The following CLASRP variants were observed in gnomAD, a reference collection of about 807,000 sequenced individuals.
CLASRP encodes CLK4 associating serine/arginine rich protein.
Under a neutral mutation model 99.9 loss-of-function variants are expected in CLASRP, and 52 were observed. The ratio of observed to expected loss-of-function variants is 0.52; its 90% CI spans 0.42 to 0.66. CLASRP has a LOEUF of 0.66. Among genes scored for constraint, CLASRP ranks in the 30% least tolerant of loss-of-function variants. The pLI is 0.00. For synonymous variants in CLASRP, 379 were observed against 373.0 expected (o/e 1.02, Z -0.18); for missense variants, 848 against 999.2 (o/e 0.85, Z 2.04).
intron 2 of CLASRP, among the ~76,000 whole-genome samples, chr19:45,042,537 A>G (rs936128064): frequency 6.0e-5 from 9 of 151,176 alleles, no homozygotes; most frequent in South Asian, 2.1e-4. Context: ...ATGTGTGTGT[A>G]TGTATGTATA....
intron 18 of CLASRP, chr19:45,069,746 C>A: frequency 2.0e-6 from 1 of 490,492 alleles, no homozygotes. Context: ...TTTCAACACT[C>A]ACTGTGTGCA....
chr19:45,048,880 G>C (rs1362141175), intron 2 of CLASRP, among the ~76,000 whole-genome samples: 1 of 151,910 alleles, frequency 6.6e-6, no homozygotes, highest in Non-Finnish European at 1.5e-5. Context: ...CAGCTACTCG[G>C]GAAGCTGAGG....
chr19:45,040,332 C>T (rs1971787997), intron 2 of CLASRP, 21 bp downstream of exon 2: 1 of 1,565,706 alleles, frequency 6.4e-7, no homozygotes, highest in African/African-American at 1.3e-5. Context: ...GGCCTTTTGT[C>T]TGGGGTGAGG....
chr19:45,070,200 C>G, intron 19 of CLASRP, 96 bp downstream of exon 19: 1 of 814,442 alleles, frequency 1.2e-6, no homozygotes, highest in East Asian at 2.5e-5. Context: ...GGCGCGGTGG[C>G]TCACGCCTGT....
rs1379333584 is a variant in CLASRP at position 45,067,670 on chromosome 19, A to G, written c.1667+76A>G. The G allele has an allele frequency of 2.9e-6, 4 of 1,359,664 alleles. No individual in the cohort carries two copies. In the African/African-American group the frequency reaches 5.8e-5, roughly 20 times the overall value. 84.2% of individuals were successfully genotyped at this position (1,359,664 alleles called of 1,614,324 possible). On this transcript the variant is annotated intron_variant, in intron 14 of 20. Transcript: ENST00000221455. This position sits in a 1 kb window ranked among gnomAD's most constrained non-coding sequence, Gnocchi z 4.9. ...GGTGAACATCACTGTTTTCTTTTTG[A>G]GGGGAACTTAGCCCTACCCTGGGAG...
chr19:45,070,734 C>A, intron 20 of CLASRP, 69 bp from the exon 21 acceptor site: 1 of 1,396,104 alleles, frequency 7.2e-7, no homozygotes, highest in Non-Finnish European at 1.0e-6. Flanking sequence ...ATCACTGAAG[C>A]ATCCACGGCC....
intron 2 of CLASRP, among the ~76,000 whole-genome samples, chr19:45,042,019 TC>T (rs1013804380): frequency 2.0e-5 from 3 of 152,146 alleles, no homozygotes; most frequent in Non-Finnish European, 4.4e-5. Flanking sequence ...TCCCTTTCCT[TC>T]CCCTTTGTGG....
intron 2 of CLASRP, chr19:45,040,686 G>A (rs1043372060): frequency 1.5e-5 from 3 of 200,448 alleles, no homozygotes; most frequent in African/African-American, 2.3e-5. Flanking sequence ...GCACACAATA[G>A]GAGTGAGTAT....
Position 45,069,186 on chromosome 19 carries a change from G to A in CLASRP, c.1828-16G>A, listed in dbSNP as rs1313902068. The A allele has an allele frequency of 6.2e-7, 1 of 1,613,996 alleles. No homozygotes were observed. The highest frequency in any genetic ancestry group is 8.5e-7 in the Non-Finnish European group (1 of 1,179,990). On this transcript the variant is annotated splice_polypyrimidine_tract_variant and intron_variant, in intron 17 of 20. Transcript: ENST00000221455. ...GTGCTGGCCTGGCCACGTCCTCATA[G>A]CCCTGTCTGCTGCAGGAGCGGGAAG...
At chr19:45,069,646 G>A (rs1967187667) in intron 18 of CLASRP, 1 of 444,638 alleles carries the variant, frequency 2.2e-6, no homozygotes, top group African/African-American at 2.0e-5. Context: ...GCTGTTGGGA[G>A]GATTTGACAA....
Position 45,056,534 on chromosome 19 carries a change from A to G in CLASRP, c.464A>G (p.Lys155Arg). 6.2e-7 allele frequency: 1 copy of G among 1,613,282 alleles called. No individual in the cohort carries two copies. The highest frequency in any genetic ancestry group is 8.5e-7 in the Non-Finnish European group (1 of 1,179,802). Residue 155 changes from lysine (K) to arginine (R), a missense_variant and splice_region_variant, in exon 6 of 21, where the codon AAG becomes AGG. Physicochemically the swap from Lys to Arg is conservative, Grantham distance 26 (BLOSUM62 2). Around this residue, in one of 8 missense-constraint regions of CLASRP, gnomAD observed 119 missense variants for 170.2 expected, o/e 0.70. Transcript: ENST00000221455. ...AGACCCAGCGAAGATGAGAAGAAGA[A>G]GTGAGTCGGGGTCTGGGGTGCAGGG... ...LQRPSEDEKK[K>R]LAEKKASIGY...
At chr19:45,057,235 C>T (rs1056884882) in intron 6 of CLASRP, among the ~76,000 whole-genome samples, 4 of 152,216 alleles carry the variant, frequency 2.6e-5, no homozygotes, top group African/African-American at 9.7e-5. Context: ...GGGCAGCTCC[C>T]TCAGTGACAC....
rs1271366196 is a variant in CLASRP, at chr19:45,060,664, C to A, written c.863+37C>A. 1 of 1,497,174 alleles carries A rather than the reference C, an allele frequency of 6.7e-7. No homozygotes were observed. The highest frequency in any genetic ancestry group is 1.3e-5 in the South Asian group (1 of 79,856). The allele number at this position is 1,497,174 out of a possible 1,614,324, so 92.7% of individuals were successfully genotyped here. The stretch of plus-strand genomic sequence containing the variant: ...CCCTGAACCCCCACCCTGCTGGCAT[C>A]TGGGGGAGGAGAGCAGGGGCTTAGG... On this transcript the variant is annotated intron_variant, in intron 10 of 20. Coordinates refer to ENST00000221455, the MANE Select transcript of CLASRP (RefSeq NM_007056.3). The surrounding 1 kb of genome is among the most constrained non-coding windows in gnomAD (Gnocchi z 4.6).
chr19:45,053,153 C>T lies in CLASRP; in HGVS notation c.355C>T (p.Leu119=), dbSNP rs764758053. 3.7e-6 allele frequency: 6 copies of T among 1,614,042 alleles called. No individual in the cohort carries two copies. In the South Asian group the frequency reaches 5.5e-5, roughly 15 times the overall value. The change falls in exon 5 of 21, where the codon CTG becomes TTG. Residue 119 remains leucine, a synonymous_variant. Transcript: ENST00000221455. ...RKCNYERYRG[L]VQNDFAGISE... ...GTGTAACTACGAGCGCTACAGAGGCCTGGTGCAGAACGACTTTGCCGGCAG... is the reference window on the plus strand; with the variant it reads ...GTGTAACTACGAGCGCTACAGAGGCTTGGTGCAGAACGACTTTGCCGGCAG...
At chr19:45,070,242 G>A in intron 19 of CLASRP, 138 bp downstream of exon 19, 1 of 686,316 alleles carries the variant, frequency 1.5e-6, no homozygotes, top group Non-Finnish European at 2.6e-6. Flanking sequence ...TGAGGTGGGT[G>A]GATCAATCAC....
At chr19:45,053,017 G>C in intron 4 of CLASRP, 81 bp from the exon 5 acceptor site, 2 of 1,557,546 alleles carry the variant, frequency 1.3e-6, no homozygotes, top group South Asian at 2.2e-5. Context: ...GCCTGAGGGG[G>C]ATGCCTCATT....
chr19:45,055,337 CTG>C (rs1474312919), intron 5 of CLASRP, among the ~76,000 whole-genome samples: 1 of 152,198 alleles, frequency 6.6e-6, no homozygotes, highest in East Asian at 1.9e-4. Context: ...TCAGCCAGGA[CTG>C]TGAGCACACT....
At chr19:45,062,494 C>A (rs969932212) in intron 11 of CLASRP, among the ~76,000 whole-genome samples, 44 of 152,234 alleles carry the variant, frequency 2.9e-4, no homozygotes, top group African/African-American at 1.0e-3. Flanking sequence ...TCTCCTGCCT[C>A]AGCCTCCTGA....
At chr19:45,054,411 G>A (rs773635780) in intron 5 of CLASRP, among the ~76,000 whole-genome samples, 4 of 152,128 alleles carry the variant, frequency 2.6e-5, no homozygotes, top group African/African-American at 9.7e-5. Context: ...CACCATGCCC[G>A]GCTAAGTTTT....
Sources: gnomAD v4.1 joint callset for allele counts (sites outside exome capture counted in the v4.1 genomes callset) on GRCh38, gnomAD v4.1.1 for gene constraint, gnomAD v4.1.1 regional missense constraint, Gnocchi (gnomAD v3.1) non-coding constraint, MANE v1.5 for transcripts, NCBI Gene and HGNC (gene_info 2026-07-23, HGNC 2026-07-21) for gene names.